CCDC28A: variants seen among roughly 807,000 people sequenced by gnomAD.
The protein encoded by CCDC28A is coiled-coil domain containing 28A, also known as coiled-coil domain-containing protein 28A.
A neutral mutation model predicts 22.1 loss-of-function variants in CCDC28A; 24 were observed. The ratio of observed to expected loss-of-function variants is 1.09; its 90% CI spans 0.79 to 1.53. The LOEUF is 1.53. Among genes scored for constraint, CCDC28A ranks in the 40% most tolerant of loss-of-function variants. The pLI, the probability that CCDC28A is intolerant of heterozygous loss-of-function variation, is 0.00. For missense variants in CCDC28A, 170 were observed against 210.7 expected (o/e 0.81, Z 1.20); for synonymous variants, 83 against 74.7 (o/e 1.11, Z -0.57).
chr6:138,781,175 G>A (rs866560130), intron 3 of CCDC28A, among the ~76,000 whole-genome samples: 13 of 152,042 alleles, frequency 8.6e-5, no homozygotes, highest in South Asian at 2.1e-4. Context: ...AAGATATTCT[G>A]TGTCTTGCTT....
intron 2 of CCDC28A, among the ~76,000 whole-genome samples, chr6:138,777,784 A>C (rs1444529490): frequency 6.6e-6 from 1 of 152,258 alleles, no homozygotes; most frequent in African/African-American, 2.4e-5. Flanking sequence ...TGATGAACTG[A>C]TGTGAAAGTT....
At chr6:138,784,219 T>C (rs1187303179) in intron 3 of CCDC28A, among the ~76,000 whole-genome samples, 1 of 152,174 alleles carries the variant, frequency 6.6e-6, no homozygotes, top group Non-Finnish European at 1.5e-5. Flanking sequence ...TTACAAAATG[T>C]TGGGTCACTC....
intron 2 of CCDC28A, among the ~76,000 whole-genome samples, chr6:138,776,675 C>T: frequency 6.7e-6 from 1 of 148,600 alleles, no homozygotes; most frequent in East Asian, 2.0e-4. Context: ...TTTTATTTTA[C>T]ACACACACAT....
At chr6:138,776,334 C>A in intron 2 of CCDC28A, 56 bp downstream of exon 2, 2 of 1,389,334 alleles carry the variant, frequency 1.4e-6, no homozygotes, top group Non-Finnish European at 2.0e-6. Flanking sequence ...TAAATCCTGA[C>A]TCAACTTCTT....
Position 138,780,068 on chromosome 6 carries a change from A to C in CCDC28A, c.322+83A>C. ...CTGTGTGTATTTTACTCTTCTTTTC[A>C]AAGTGCCAGTTTCTTTTAAGAAAAA... On this transcript the variant is annotated intron_variant, in intron 3 of 5. Transcript: ENST00000617445. The C allele has an allele frequency of 4.0e-6, 4 of 1,002,886 alleles. No individual in the cohort carries two copies. In the East Asian group the frequency reaches 1.1e-4, roughly 28 times the overall value. The allele number at this position is 1,002,886 out of a possible 1,614,324, so 62.1% of individuals were successfully genotyped here. A position where few individuals can be genotyped will look rare whatever the true frequency, so the allele number is the denominator to read the frequency against.
rs1583518460 is a variant in CCDC28A at position 138,774,011 on chromosome 6, TG to T, written c.-43+113del. On this transcript the variant is annotated intron_variant, in intron 1 of 5. Transcript: ENST00000617445. ...GTGAAGGGTCATCGCTTCGGTAGAT[TG>T]GGGAAGGGGAATGAGGTGATGTCAA... 3.0e-6 allele frequency: 4 copies of T among 1,342,532 alleles called. No individual in the cohort carries two copies. In the East Asian group the frequency reaches 9.5e-5, roughly 32 times the overall value. The allele number at this position is 1,342,532 out of a possible 1,614,324, so 83.2% of individuals were successfully genotyped here.
At chr6:138,783,212 A>C (rs774794976) in intron 3 of CCDC28A, among the ~76,000 whole-genome samples, 1 of 151,978 alleles carries the variant, frequency 6.6e-6, no homozygotes, top group African/African-American at 2.4e-5. Context: ...ATATTTCTTA[A>C]AGGAAGAATA....
chr6:138,780,703 T>C (rs141636326), intron 3 of CCDC28A, among the ~76,000 whole-genome samples: 9 of 151,734 alleles, frequency 5.9e-5, no homozygotes, highest in African/African-American at 2.2e-4. Flanking sequence ...ACCTCCCCAG[T>C]AGCTGAGACT....
In CCDC28A at chr6:138,785,274, G is replaced by A; in HGVS notation, c.370G>A (p.Glu124Lys). ...GATGGAACATGTTCGGGGAATGCAG[G>A]AGAAATTAGCTCGCTTGAATTTGGA... ...EQMEHVRGMQ[E>K]KLARLNLELY... The change falls in exon 4 of 6, where the codon GAG becomes AAG. Residue 124 changes from glutamate (E) to lysine (K), a missense_variant. By Grantham distance (56) the Glu-to-Lys change is moderately conservative (BLOSUM62 1). Transcript: ENST00000617445. The A allele has an allele frequency of 6.2e-7, 1 of 1,613,706 alleles. No homozygotes were observed. The highest frequency in any genetic ancestry group is 8.5e-7 in the Non-Finnish European group (1 of 1,179,658).
At chr6:138,778,790 C>T (rs9495241) in intron 2 of CCDC28A, among the ~76,000 whole-genome samples, 2,892 of 146,552 alleles carry the variant, frequency 0.02, 78 homozygotes, top group African/African-American at 0.061. Context: ...TTTTTTGACA[C>T]GGAGTCTCGC....
chr6:138,781,764 G>A (rs1012729658), intron 3 of CCDC28A, among the ~76,000 whole-genome samples: 1 of 152,070 alleles, frequency 6.6e-6, no homozygotes, highest in African/African-American at 2.4e-5. Context: ...AGCCCTTTGT[G>A]TTTTAGATAC....
intron 5 of CCDC28A, 37 bp from the exon 6 acceptor site, chr6:138,792,712 C>A (rs749201141): frequency 6.0e-6 from 8 of 1,329,984 alleles, no homozygotes; most frequent in South Asian, 1.2e-5. Flanking sequence ...AGAAGTACCC[C>A]TTATAGAATG....
intron 1 of CCDC28A, 89 bp from the exon 2 acceptor site, chr6:138,775,990 C>A: frequency 9.3e-7 from 1 of 1,077,734 alleles, no homozygotes; most frequent in Admixed American, 2.0e-5. Context: ...ATTCTTGATC[C>A]TCTTTTGACC....
At chr6:138,778,203 G>A (rs1774965296) in intron 2 of CCDC28A, among the ~76,000 whole-genome samples, 2 of 151,982 alleles carry the variant, frequency 1.3e-5, no homozygotes. Context: ...ATCTTATTGT[G>A]GTGAGGACAG....
rs537580842 is a variant in CCDC28A at position 138,792,731 on chromosome 6, C to T, written c.501-18C>T. ...GTACCCCTTATAGAATGAAAATCTT[C>T]TTAACTGATTAATTCAGACAAAAAC... On this transcript the variant is annotated intron_variant, in intron 5 of 5. Transcript: ENST00000617445. The T allele has an allele frequency of 1.5e-6, 2 of 1,371,392 alleles. No individual in the cohort carries two copies. Among genetic ancestry groups the T allele is most frequent in the South Asian group, 1.2e-5 (1 of 85,544 alleles). 85.0% of individuals were successfully genotyped at this position (1,371,392 alleles called of 1,614,324 possible).
chr6:138,784,125 G>C (rs1267421678), intron 3 of CCDC28A, among the ~76,000 whole-genome samples: 1 of 151,490 alleles, frequency 6.6e-6, no homozygotes, highest in East Asian at 2.0e-4. Flanking sequence ...GGGTTCAAGG[G>C]ATCCGTCAGC....
intron 4 of CCDC28A, among the ~76,000 whole-genome samples, chr6:138,786,108 T>C (rs1426647896): frequency 6.6e-6 from 1 of 152,236 alleles, no homozygotes; most frequent in Non-Finnish European, 1.5e-5. Context: ...GTTGCTTTTT[T>C]CTGAGGCCTC....
intron 4 of CCDC28A, among the ~76,000 whole-genome samples, chr6:138,786,816 A>T (rs908670720): frequency 6.6e-6 from 1 of 152,172 alleles, no homozygotes; most frequent in Non-Finnish European, 1.5e-5. Context: ...GGGTTTCACC[A>T]TGTTGTACAG....
intron 5 of CCDC28A, among the ~76,000 whole-genome samples, chr6:138,789,591 G>A (rs1176301626): frequency 2.0e-5 from 3 of 152,240 alleles, no homozygotes; most frequent in Non-Finnish European, 2.9e-5. Flanking sequence ...GTGGGAGGCT[G>A]AGGCGGGTGG....
Sources: allele counts gnomAD v4.1 joint callset (sites outside exome capture counted in the v4.1 genomes callset), GRCh38; gene constraint gnomAD v4.1.1; transcripts MANE v1.5; gene names NCBI Gene and HGNC (gene_info 2026-07-23, HGNC 2026-07-21).